Variants in LMX1A observed in about 807,000 individuals in gnomAD.
The protein encoded by LMX1A is LIM homeobox transcription factor 1 alpha.
In LMX1A, 15 loss-of-function variants were observed where a neutral mutation model predicts 49.1. The observed-to-expected ratio is 0.31, with a 90% CI of 0.20 to 0.47. The LOEUF (loss-of-function observed/expected upper bound fraction) is 0.47. LMX1A is among the 20% of genes least tolerant of loss of function. The pLI is 1.00. For missense variants in LMX1A, 372 were observed against 475.8 expected (o/e 0.78, Z 2.03); for synonymous variants, 167 against 185.7 (o/e 0.90, Z 0.82).
chr1:165,318,997 T>TCACA (rs1313919903), intron 3 of LMX1A, among the ~76,000 whole-genome samples: 22 of 67,806 alleles, frequency 3.2e-4, no homozygotes, highest in African/African-American at 1.0e-3. Context: ...TCTCTCTCTC[T>TCACA]CTCACACACA....
chr1:165,353,766 G>A (rs1052432040), intron 2 of LMX1A, among the ~76,000 whole-genome samples: 1 of 152,108 alleles, frequency 6.6e-6, no homozygotes, highest in Non-Finnish European at 1.5e-5. Flanking sequence ...AAAGTCCTGG[G>A]GGTACAGAAA....
rs115814433 is a variant in LMX1A at position 165,207,636 on chromosome 1, G to C, written c.817+427C>G. ...CAATCTATAAGAGTGTTCAACAAAG[G>C]AAGGCATTGTTATTTTACTATCATT... On this transcript the variant is annotated intron_variant, in intron 7 of 8. Coordinates refer to ENST00000342310, the MANE Select transcript of LMX1A (RefSeq NM_177398.4). The C allele has an allele frequency of 9.0e-3, 1,464 of 161,774 alleles. 26 individuals carry two copies. Among genetic ancestry groups the C allele is most frequent in the African/African-American group, 0.033 (1,389 of 41,994 alleles). 10.0% of individuals were successfully genotyped at this position (161,774 alleles called of 1,614,324 possible).
At chr1:165,336,938 C>T (rs1165056898) in intron 3 of LMX1A, among the ~76,000 whole-genome samples, 1 of 152,042 alleles carries the variant, frequency 6.6e-6, no homozygotes, top group Non-Finnish European at 1.5e-5. Context: ...AGAAACTATG[C>T]AGAAATTATG....
chr1:165,328,428 G>T (rs766322347), intron 3 of LMX1A, among the ~76,000 whole-genome samples: 1 of 152,328 alleles, frequency 6.6e-6, no homozygotes, highest in African/African-American at 2.4e-5. Flanking sequence ...CTGGAAGCAG[G>T]CTTTCTGTTT....
At chr1:165,305,775 A>G (rs1654904200) in intron 3 of LMX1A, among the ~76,000 whole-genome samples, 1 of 152,144 alleles carries the variant, frequency 6.6e-6, no homozygotes, top group Admixed American at 6.5e-5. Flanking sequence ...GCCCACATTC[A>G]CAGTTCTTTG....
intron 3 of LMX1A, among the ~76,000 whole-genome samples, chr1:165,334,780 C>T (rs1655852472): frequency 1.3e-5 from 2 of 152,222 alleles, no homozygotes; most frequent in Non-Finnish European, 2.9e-5. Context: ...GAAGAGGTCT[C>T]TTTCAGGGGC....
At chr1:165,353,480 G>A (rs778915091) in intron 2 of LMX1A, among the ~76,000 whole-genome samples, 2 of 152,110 alleles carry the variant, frequency 1.3e-5, no homozygotes, top group Non-Finnish European at 2.9e-5. Context: ...TTAATTCCAA[G>A]CGGGGGAGGG....
At position 165,213,750 on chromosome 1, in the gene LMX1A, TCAG is replaced by T. The variant is rs376588006; in HGVS notation, c.557_559del (p.Ala186del). On this transcript the variant is annotated inframe_deletion, in exon 5 of 9. Transcript: ENST00000342310. Reference sequence around the variant, plus strand: ...GGGGCGCTTATGGTCCTTGCCTTCCTCAGCAGTTCCTTTCCCTGCCCCATGGGC... The same window carrying T: ...GGGGCGCTTATGGTCCTTGCCTTCCTCAGTTCCTTTCCCTGCCCCATGGGC... The T allele has an allele frequency of 5.3e-5, 86 of 1,614,204 alleles. No individual in the cohort carries two copies. The African/African-American group carries it at 8.9e-4, about 17-fold the overall frequency.
intron 3 of LMX1A, among the ~76,000 whole-genome samples, chr1:165,318,379 G>T (rs1655282350): frequency 1.3e-5 from 2 of 152,212 alleles, no homozygotes; most frequent in African/African-American, 4.8e-5. Flanking sequence ...ACGGAGAGGT[G>T]ACTTGTTCAT....
chr1:165,263,150 C>G (rs929816053), intron 3 of LMX1A, among the ~76,000 whole-genome samples: 2 of 152,208 alleles, frequency 1.3e-5, no homozygotes, highest in Admixed American at 6.5e-5. Flanking sequence ...GGGATCTTAT[C>G]CAGTCCCATT....
intron 4 of LMX1A, among the ~76,000 whole-genome samples, chr1:165,230,816 G>C (rs1342237053): frequency 6.6e-6 from 1 of 152,176 alleles, no homozygotes; most frequent in East Asian, 1.9e-4. Context: ...TCTTGGCTCA[G>C]GTCCAGTGCT....
In LMX1A at chr1:165,348,752, T is replaced by G. The variant is rs1656326557; in HGVS notation, c.263+4324A>C. On this transcript the variant is annotated intron_variant, in intron 3 of 8. Coordinates refer to ENST00000342310, the MANE Select transcript of LMX1A (RefSeq NM_177398.4). ...ACACACACACACTTCCTCCACTACC[T>G]TGATAAAATGCAGAATTAGTTCATT... Among the ~76,000 whole-genome samples, 4 of 152,106 alleles carry G rather than the reference T, an allele frequency of 2.6e-5. No homozygotes were observed. The South Asian group carries it at 8.3e-4, about 32-fold the overall frequency.
At chr1:165,255,105 G>A (rs1161123948) in intron 3 of LMX1A, among the ~76,000 whole-genome samples, 1 of 152,176 alleles carries the variant, frequency 6.6e-6, no homozygotes, top group Admixed American at 6.5e-5. Context: ...CCTCTCCTTA[G>A]GGAGTTCACA....
chr1:165,216,795 A>G (rs1454411178), intron 4 of LMX1A, among the ~76,000 whole-genome samples: 3 of 152,218 alleles, frequency 2.0e-5, no homozygotes, highest in Non-Finnish European at 2.9e-5. Flanking sequence ...GCAATGTGAC[A>G]TGGTATCTAC....
At position 165,205,972 on chromosome 1, in the gene LMX1A, G is replaced by T; in HGVS notation, c.880C>A (p.Pro294Thr). ...ATGGCCAGGAGCTGCTGTGGGGTGGGCAGAGCCGTGTAGGGGTTCATGATT... is the reference window on the plus strand; with the variant it reads ...ATGGCCAGGAGCTGCTGTGGGGTGGTCAGAGCCGTGTAGGGGTTCATGATT... ...EGIMNPYTAL[P>T]TPQQLLAIEQ... Residue 294 changes from proline (P) to threonine (T), a missense_variant, in exon 8 of 9, where the codon CCC (proline) becomes ACC (threonine). Pro to Thr is a conservative substitution (Grantham distance 38, BLOSUM62 -1). Around this residue, in one of 3 missense-constraint regions of LMX1A, gnomAD observed 127 missense variants for 138.0 expected, o/e 0.92. Coordinates refer to ENST00000342310, the MANE Select transcript of LMX1A (RefSeq NM_177398.4). 6.2e-7 allele frequency: 1 copy of T among 1,612,814 alleles called. No individual in the cohort carries two copies.
intron 3 of LMX1A, among the ~76,000 whole-genome samples, chr1:165,273,933 C>T (rs1250087565): frequency 1.3e-5 from 2 of 152,224 alleles, no homozygotes; most frequent in African/African-American, 2.4e-5. Context: ...ATGTGGCCAT[C>T]ATCGTGCTCA....
intron 3 of LMX1A, among the ~76,000 whole-genome samples, chr1:165,337,855 A>G (rs943689893): frequency 1.1e-4 from 12 of 107,932 alleles, no homozygotes; most frequent in African/African-American, 5.3e-4. Context: ...GCTAGTGGAC[A>G]GAGTGTGTCT....
At chr1:165,326,597 G>C (rs1341836463) in intron 3 of LMX1A, among the ~76,000 whole-genome samples, 1 of 152,148 alleles carries the variant, frequency 6.6e-6, no homozygotes, top group African/African-American at 2.4e-5. Context: ...GTGTGCCTGG[G>C]CCAGCTGGTT....
intron 3 of LMX1A, among the ~76,000 whole-genome samples, chr1:165,318,247 T>C (rs2101740816): frequency 6.6e-6 from 1 of 152,288 alleles, no homozygotes; most frequent in African/African-American, 2.4e-5. Context: ...GTTTACTAAT[T>C]AACCAAAAAC....
Sources: gnomAD v4.1 joint callset for allele counts (sites outside exome capture counted in the v4.1 genomes callset) on GRCh38, gnomAD v4.1.1 for gene constraint, gnomAD v4.1.1 regional missense constraint, MANE v1.5 for transcripts, NCBI Gene and HGNC (gene_info 2026-07-23, HGNC 2026-07-21) for gene names.